Variants in SLC35F4 observed in about 807,000 individuals in gnomAD.
SLC35F4 encodes the protein chromosome 14 open reading frame 36.
A neutral mutation model predicts 44.2 loss-of-function variants in SLC35F4; 24 were observed. The observed-to-expected ratio is 0.54, with a 90% CI of 0.39 to 0.76. The LOEUF is 0.76. Ranked by LOEUF, SLC35F4 falls within the 30% of genes least tolerant of loss-of-function variation. SLC35F4 has a pLI of 0.00. For synonymous variants in SLC35F4, 238 were observed against 223.6 expected, an observed-to-expected ratio of 1.06 and a Z score of -0.57; for missense variants, 562 against 586.1, an observed-to-expected ratio of 0.96 and a Z score of 0.42.
chr14:57,596,971 G>T (rs75538780), intron 1 of SLC35F4: 3 of 1,054,924 alleles, frequency 2.8e-6, no homozygotes, highest in Admixed American at 2.5e-5. Flanking sequence ...ACGTATTCAG[G>T]GGTTGGGCCA....
chr14:57,816,181 A>G (rs1882566586), intron 1 of SLC35F4, among the ~76,000 whole-genome samples: 1 of 152,142 alleles, frequency 6.6e-6, no homozygotes, highest in South Asian at 2.1e-4. Flanking sequence ...CTTAATTGTC[A>G]TTGGGCCCCA....
At chr14:57,914,936 A>C (rs1331713879) in intron 1 of SLC35F4, among the ~76,000 whole-genome samples, 1 of 152,104 alleles carries the variant, frequency 6.6e-6, no homozygotes, top group East Asian at 1.9e-4. Context: ...TCTCTGCAGC[A>C]ACCCTGCCCC....
chr14:57,724,105 T>C (rs1263931326), intron 1 of SLC35F4, among the ~76,000 whole-genome samples: 1 of 152,236 alleles, frequency 6.6e-6, no homozygotes, highest in African/African-American at 2.4e-5. Flanking sequence ...CTGGGTGTGA[T>C]ACTCTGGCCC....
At chr14:57,713,728 G>A (rs547479887) in intron 1 of SLC35F4, among the ~76,000 whole-genome samples, 1 of 152,056 alleles carries the variant, frequency 6.6e-6, no homozygotes, top group Non-Finnish European at 1.5e-5. Flanking sequence ...TCTGACCTAG[G>A]GTACGTGCTC....
intron 1 of SLC35F4, among the ~76,000 whole-genome samples, chr14:57,625,393 T>A (rs1037828925): frequency 1.3e-5 from 2 of 152,162 alleles, no homozygotes; most frequent in Admixed American, 1.3e-4. Context: ...AATTTATAAA[T>A]TCAATGCTAT....
chr14:57,828,469 T>A (rs1428004059), intron 1 of SLC35F4, among the ~76,000 whole-genome samples: 1 of 152,180 alleles, frequency 6.6e-6, no homozygotes, highest in African/African-American at 2.4e-5. Context: ...AGGGTGGGAA[T>A]TTAAAAATTC....
chr14:57,587,870 C>CAAAAAA (rs60521934), intron 3 of SLC35F4, among the ~76,000 whole-genome samples: 4 of 125,010 alleles, frequency 3.2e-5, no homozygotes, highest in East Asian at 2.2e-4. Flanking sequence ...ATGCACCTTC[C>CAAAAAA]AAAAAAAAAA....
At chr14:57,973,850 C>A (rs1881128336), downstream of SLC35F4, among the ~76,000 whole-genome samples, 1 of 152,100 alleles carries the variant, frequency 6.6e-6, no homozygotes, top group African/African-American at 2.4e-5. Flanking sequence ...ATGAGGGTAA[C>A]AGAACATCTC....
At chr14:57,610,102 A>G (rs1442728460) in intron 1 of SLC35F4, among the ~76,000 whole-genome samples, 1 of 152,208 alleles carries the variant, frequency 6.6e-6, no homozygotes, top group African/African-American at 2.4e-5. Flanking sequence ...TTATTCATTC[A>G]TTCATAAGGA....
chr14:57,767,600 C>CTCACA (rs1298250324), intron 1 of SLC35F4, among the ~76,000 whole-genome samples: 2 of 151,740 alleles, frequency 1.3e-5, no homozygotes, highest in Non-Finnish European at 2.9e-5. Flanking sequence ...GCAGAAAGGT[C>CTCACA]TCACATCAAC....
intron 1 of SLC35F4, among the ~76,000 whole-genome samples, chr14:57,627,038 T>G (rs1414037372): frequency 6.6e-6 from 1 of 152,128 alleles, no homozygotes; most frequent in Non-Finnish European, 1.5e-5. Flanking sequence ...TGGTCTATAG[T>G]AACTCCAATA....
intron 1 of SLC35F4, among the ~76,000 whole-genome samples, chr14:57,743,223 A>G (rs532666726): frequency 1.0e-3 from 153 of 152,336 alleles, no homozygotes; most frequent in African/African-American, 3.4e-3. Flanking sequence ...AACTAAAATC[A>G]GAGCAGAACT....
chr14:57,605,537 A>T (rs1268884352), intron 1 of SLC35F4, among the ~76,000 whole-genome samples: 1 of 152,190 alleles, frequency 6.6e-6, no homozygotes, highest in Non-Finnish European at 1.5e-5. Flanking sequence ...CACTGTAGAG[A>T]GCAACTTGGA....
intron 1 of SLC35F4, among the ~76,000 whole-genome samples, chr14:57,743,701 G>C (rs1000846886): frequency 1.3e-5 from 2 of 152,118 alleles, no homozygotes; most frequent in African/African-American, 4.8e-5. Flanking sequence ...TAGAAAAAGA[G>C]GGAATCCTCC....
At chr14:57,611,920 G>T (rs2071532754) in intron 1 of SLC35F4, among the ~76,000 whole-genome samples, 1 of 152,230 alleles carries the variant, frequency 6.6e-6, no homozygotes, top group African/African-American at 2.4e-5. Context: ...ACTGAGCTCA[G>T]ATGTTGGTCA....
Position 57,571,956 on chromosome 14 carries a change from C to T in SLC35F4, c.871G>A (p.Ala291Thr), listed in dbSNP as rs768850457. 1.3e-5 allele frequency: 21 copies of T among 1,612,132 alleles called. No individual in the cohort carries two copies. The highest frequency in any genetic ancestry group is 7.7e-5 in the South Asian group (7 of 90,682). Residue 291 changes from alanine (A) to threonine (T), a missense_variant, in exon 5 of 8, where the codon GCT (alanine) becomes ACT (threonine). Ala to Thr is a moderately conservative substitution (Grantham distance 58, BLOSUM62 0). Coordinates refer to ENST00000556826, the MANE Select transcript of SLC35F4 (RefSeq NM_001306087.2). ...VMMAYADNFH[A>T]DSIIGVAFAV... ...AATGCCACTCCTATGATGGAATCAG[C>T]GTGGAAATTATCTGCATATGCCATC...
At chr14:57,746,863 A>G (rs2140539159) in intron 1 of SLC35F4, among the ~76,000 whole-genome samples, 1 of 152,290 alleles carries the variant, frequency 6.6e-6, no homozygotes, top group East Asian at 1.9e-4. Flanking sequence ...TGGTTGTTAT[A>G]AAAGGGTAAA....
chr14:57,951,538 G>C (rs1890139595), intron 1 of SLC35F4, among the ~76,000 whole-genome samples: 1 of 152,192 alleles, frequency 6.6e-6, no homozygotes, highest in Admixed American at 6.6e-5. Flanking sequence ...CCACTGGCTT[G>C]AAATTCTCGC....
At chr14:57,845,607 A>C (rs1263870431) in intron 1 of SLC35F4, among the ~76,000 whole-genome samples, 1 of 152,218 alleles carries the variant, frequency 6.6e-6, no homozygotes, top group Non-Finnish European at 1.5e-5. Context: ...AAGCCACAGG[A>C]AAGTTAACTG....
Sources: allele counts gnomAD v4.1 joint callset (sites outside exome capture counted in the v4.1 genomes callset), GRCh38; gene constraint gnomAD v4.1.1; transcripts MANE v1.5; gene names NCBI Gene and HGNC (gene_info 2026-07-23, HGNC 2026-07-21).